TRAPPC9: variants seen among roughly 807,000 people sequenced by gnomAD.
TRAPPC9 encodes trafficking protein particle complex subunit 9.
A neutral mutation model predicts 124.0 loss-of-function variants in TRAPPC9; 83 were observed. The ratio of observed to expected loss-of-function variants is 0.67; its 90% CI spans 0.56 to 0.80. TRAPPC9 has a LOEUF of 0.80. Among genes scored for constraint, TRAPPC9 ranks in the 30% least tolerant of loss-of-function variants. The pLI, the probability that TRAPPC9 is intolerant of heterozygous loss-of-function variation, is 0.00. For synonymous variants in TRAPPC9, 638 were observed against 617.5 expected (o/e 1.03, Z -0.49); for missense variants, 1,302 against 1,508.3 (o/e 0.86, Z 2.27).
intron 19 of TRAPPC9, among the ~76,000 whole-genome samples, chr8:139,987,797 TG>T (rs1014925917): frequency 5.3e-5 from 8 of 152,148 alleles, no homozygotes; most frequent in African/African-American, 1.9e-4. Context: ...GGCTCCGCCA[TG>T]GAAGGACAGC....
intron 16 of TRAPPC9, among the ~76,000 whole-genome samples, chr8:140,249,484 ACTT>A (rs2064073851): frequency 2.0e-5 from 3 of 151,826 alleles, no homozygotes; most frequent in Non-Finnish European, 4.4e-5. Flanking sequence ...AGTTAAAGAC[ACTT>A]CTTTTTAATA....
At chr8:140,291,353 GTTC>G in intron 11 of TRAPPC9, 1 of 511,216 alleles carries the variant, frequency 2.0e-6, no homozygotes, top group East Asian at 3.7e-5. Context: ...AGATGGCACT[GTTC>G]TTGGTACAGA....
At chr8:140,071,522 A>G (rs1843156943) in intron 17 of TRAPPC9, among the ~76,000 whole-genome samples, 1 of 152,158 alleles carries the variant, frequency 6.6e-6, no homozygotes, top group Non-Finnish European at 1.5e-5. Context: ...AGGAAGGCAC[A>G]ATGTCTTGGG....
chr8:140,157,959 T>A (rs373992733), intron 17 of TRAPPC9, among the ~76,000 whole-genome samples: 1 of 152,234 alleles, frequency 6.6e-6, no homozygotes, highest in Non-Finnish European at 1.5e-5. Context: ...TATTTTTCTA[T>A]GTTAATAGTC....
At chr8:139,829,046 GA>G (rs1032719371) in intron 21 of TRAPPC9, among the ~76,000 whole-genome samples, 2 of 152,016 alleles carry the variant, frequency 1.3e-5, no homozygotes, top group East Asian at 3.9e-4. Context: ...AATGGAGGAA[GA>G]AAAAAAATGC....
chr8:140,120,511 C>T (rs1215547619), intron 17 of TRAPPC9, among the ~76,000 whole-genome samples: 1 of 152,128 alleles, frequency 6.6e-6, no homozygotes, highest in Non-Finnish European at 1.5e-5. Context: ...TCCATCTAGC[C>T]TCCATCTATC....
chr8:140,259,993 C>T (rs768388185), intron 15 of TRAPPC9, among the ~76,000 whole-genome samples: 5 of 152,158 alleles, frequency 3.3e-5, no homozygotes, highest in Admixed American at 6.5e-5. Context: ...AAAAAGAAAA[C>T]GAAGACCTGC....
intron 17 of TRAPPC9, among the ~76,000 whole-genome samples, chr8:140,092,519 T>C (rs1844641270): frequency 6.6e-6 from 1 of 152,036 alleles, no homozygotes; most frequent in South Asian, 2.1e-4. Flanking sequence ...GCATCTAAAA[T>C]ATATATCATT....
chr8:140,454,748 G>A (rs2071592817), intron 1 of TRAPPC9, among the ~76,000 whole-genome samples: 1 of 150,976 alleles, frequency 6.6e-6, no homozygotes, highest in Admixed American at 6.6e-5. Flanking sequence ...AGACCAGCCT[G>A]GCCAACATGG....
chr8:140,069,546 C>A (rs1038247449), intron 17 of TRAPPC9, among the ~76,000 whole-genome samples: 1 of 65,722 alleles, frequency 1.5e-5, no homozygotes, highest in Non-Finnish European at 2.8e-5. Flanking sequence ...TAAACTTAGA[C>A]AACTTTGTGG....
chr8:139,801,778 C>T (rs1823548106), intron 21 of TRAPPC9, among the ~76,000 whole-genome samples: 2 of 152,202 alleles, frequency 1.3e-5, no homozygotes, highest in Admixed American at 1.3e-4. Flanking sequence ...CCAATCTGTT[C>T]TTTATCCTGA....
intron 19 of TRAPPC9, among the ~76,000 whole-genome samples, chr8:139,971,788 TAC>T (rs4058397): frequency 1.8e-4 from 6 of 32,616 alleles, no homozygotes; most frequent in African/African-American, 1.2e-3. Flanking sequence ...CACACATATA[TAC>T]ACATATATAT....
intron 17 of TRAPPC9, among the ~76,000 whole-genome samples, chr8:140,062,727 C>T (rs189631893): frequency 1.4e-3 from 217 of 152,290 alleles, no homozygotes; most frequent in Middle Eastern, 6.8e-3. Context: ...ACCTTATTCA[C>T]TGCGTCATTA....
chr8:140,203,257 C>T (rs1191970998), intron 17 of TRAPPC9, among the ~76,000 whole-genome samples: 6 of 152,126 alleles, frequency 3.9e-5, no homozygotes, highest in Admixed American at 3.9e-4. Context: ...AAAACACACC[C>T]GCAGGTATTC....
At chr8:139,739,876 C>G (rs2130053498) in intron 21 of TRAPPC9, among the ~76,000 whole-genome samples, 1 of 152,380 alleles carries the variant, frequency 6.6e-6, no homozygotes, top group Middle Eastern at 3.4e-3. Flanking sequence ...ATGGCAGACA[C>G]AAGTTCCATT....
chr8:139,982,969 C>A (rs1429917703), intron 19 of TRAPPC9, among the ~76,000 whole-genome samples: 1 of 152,186 alleles, frequency 6.6e-6, no homozygotes, highest in Non-Finnish European at 1.5e-5. Context: ...TCACTCGTCA[C>A]GTCGTGCTGT....
At chr8:140,263,702 T>A (rs12681682) in intron 15 of TRAPPC9, among the ~76,000 whole-genome samples, 24,918 of 152,050 alleles carry the variant, frequency 0.16, 3,201 homozygotes, top group East Asian at 0.73. Context: ...CAGACACAAG[T>A]AACTTGGTCC....
intron 21 of TRAPPC9, among the ~76,000 whole-genome samples, chr8:139,745,269 A>G (rs571376870): frequency 6.6e-6 from 1 of 152,296 alleles, no homozygotes; most frequent in Non-Finnish European, 1.5e-5. Context: ...GTGCTGACTC[A>G]GGGGCCTGGG....
chr8:140,070,304 T>C (rs570358142), intron 17 of TRAPPC9, among the ~76,000 whole-genome samples: 8 of 152,370 alleles, frequency 5.3e-5, no homozygotes, highest in South Asian at 2.1e-4. Flanking sequence ...ACAGATGATA[T>C]GTGTTAACAT....
Sources: allele counts gnomAD v4.1 joint callset (sites outside exome capture counted in the v4.1 genomes callset), GRCh38; gene constraint gnomAD v4.1.1; transcripts MANE v1.5; gene names NCBI Gene and HGNC (gene_info 2026-07-23, HGNC 2026-07-21).